CNTNAP3: variants seen among roughly 807,000 people sequenced by gnomAD.
CNTNAP3 encodes contactin-associated protein-like 3.
Under a neutral mutation model 92.1 loss-of-function variants are expected in CNTNAP3, and 36 were observed. The observed-to-expected ratio is 0.39, with a 90% CI of 0.30 to 0.52. The LOEUF is 0.52. Ranked by LOEUF, CNTNAP3 falls within the 20% of genes least tolerant of loss-of-function variation. The probability of loss-of-function intolerance (pLI) is 0.76; values close to 1 mark genes in which losing one functional copy is unlikely to be tolerated. For synonymous variants in CNTNAP3, 232 were observed against 422.3 expected (o/e 0.55, Z 5.53); for missense variants, 534 against 1,069.6 (o/e 0.50, Z 6.98).
chr9:39,094,405 G>A (rs1207391834), intron 18 of CNTNAP3, among the ~76,000 whole-genome samples: 1 of 151,510 alleles, frequency 6.6e-6, no homozygotes, highest in African/African-American at 2.4e-5. Context: ...TGTTGCCCGT[G>A]CTTTTGGGGT....
intron 11 of CNTNAP3, 109 bp downstream of exon 11, chr9:39,144,131 C>T (rs1821643006): frequency 2.8e-6 from 4 of 1,409,920 alleles, no homozygotes; most frequent in Non-Finnish European, 3.8e-6. Flanking sequence ...TGAAATATCT[C>T]TTCTGATGTG....
At position 39,096,224 on chromosome 9, in the gene CNTNAP3, T is replaced by G. The variant is rs1826322340; in HGVS notation, c.2995+3687A>C. On this transcript the variant is annotated intron_variant, in intron 18 of 23. Coordinates refer to ENST00000297668, the MANE Select transcript of CNTNAP3 (RefSeq NM_033655.5). The stretch of plus-strand genomic sequence containing the variant: ...GTAAGAAATATGACATTATACTTTC[T>G]TTTATAATTACCTGCACACTTACCT... Among the ~76,000 whole-genome samples, 2 of 138,388 alleles carry G rather than the reference T, an allele frequency of 1.4e-5. 1 individual carries two copies. Among genetic ancestry groups the G allele is most frequent in the Non-Finnish European group, 3.2e-5 (2 of 63,202 alleles). 90.8% of individuals were successfully genotyped at this position (138,388 alleles called of 152,430 possible).
At chr9:39,118,283 T>G (rs748933317) in intron 13 of CNTNAP3, 24 bp from the exon 14 acceptor site, 25 of 1,613,024 alleles carry the variant, frequency 1.5e-5, no homozygotes, top group African/African-American at 6.7e-5. Context: ...ATAAGAAACA[T>G]GACATCTACT....
At chr9:39,142,207 T>C (rs1475177311) in intron 11 of CNTNAP3, among the ~76,000 whole-genome samples, 1 of 152,162 alleles carries the variant, frequency 6.6e-6, no homozygotes, top group African/African-American at 2.4e-5. Flanking sequence ...AGTGTGGTGG[T>C]GGATATAAAT....
intron 11 of CNTNAP3, among the ~76,000 whole-genome samples, chr9:39,142,983 T>C (rs1426238297): frequency 6.6e-6 from 1 of 151,960 alleles, no homozygotes; most frequent in East Asian, 1.9e-4. Context: ...TGCATCTCTG[T>C]TTCCTTGAAG....
At chr9:39,076,525 T>G (rs1290876900) in intron 23 of CNTNAP3, among the ~76,000 whole-genome samples, 1 of 152,304 alleles carries the variant, frequency 6.6e-6, no homozygotes, top group African/African-American at 2.4e-5. Context: ...AGAATTGAGA[T>G]AGTGATGGAA....
chr9:39,068,462 CAT>C lies in CNTNAP3; in HGVS notation c.*5426_*5427del, dbSNP rs1825560593. On this transcript the variant is annotated 3_prime_UTR_variant, in exon 24 of 24. Transcript: ENST00000297668. ...TAAATTAAATAAAAATTAAAAAATT[CAT>C]AGAGAGGTGACTAGAAAAGATGTTT... Among the ~76,000 whole-genome samples, 3 of 152,304 alleles carry C rather than the reference CAT, an allele frequency of 2.0e-5. No homozygotes were observed. Among genetic ancestry groups the C allele is most frequent in the South Asian group, 4.1e-4 (2 of 4,834 alleles).
chr9:39,152,834 T>G (rs74996657), intron 9 of CNTNAP3, among the ~76,000 whole-genome samples: 3 of 108,838 alleles, frequency 2.8e-5, no homozygotes, highest in South Asian at 6.2e-4. Flanking sequence ...TTTTTTTTTT[T>G]TGTATTTTTT....
chr9:39,091,080 A>G, intron 18 of CNTNAP3, among the ~76,000 whole-genome samples: 1 of 152,086 alleles, frequency 6.6e-6, no homozygotes, highest in Admixed American at 6.5e-5. Context: ...AGTTCTAAGT[A>G]GATTCTTTGG....
chr9:39,157,489 A>T (rs1426308057), intron 9 of CNTNAP3, among the ~76,000 whole-genome samples: 1 of 111,622 alleles, frequency 9.0e-6, no homozygotes, highest in Non-Finnish European at 2.0e-5. Flanking sequence ...ACAGGCGCCC[A>T]CCACCATGCC....
intron 13 of CNTNAP3, among the ~76,000 whole-genome samples, chr9:39,130,495 CT>C (rs58074019): frequency 0.017 from 1,870 of 111,136 alleles, 15 homozygotes; most frequent in East Asian, 0.087. Flanking sequence ...AGGAGGAATT[CT>C]TTTTTTTTTT....
At chr9:39,129,324 A>G (rs1163900056) in intron 13 of CNTNAP3, among the ~76,000 whole-genome samples, 1 of 152,182 alleles carries the variant, frequency 6.6e-6, no homozygotes, top group Non-Finnish European at 1.5e-5. Context: ...CAGACCCACC[A>G]CACAAGTAAG....
At chr9:39,109,125 T>C (rs749265218) in intron 15 of CNTNAP3, 35 bp downstream of exon 15, 3 of 1,595,006 alleles carry the variant, frequency 1.9e-6, no homozygotes, top group Non-Finnish European at 2.6e-6. Context: ...AAAAAAGTTA[T>C]TATGAAAATA....
intron 14 of CNTNAP3, among the ~76,000 whole-genome samples, chr9:39,114,436 T>C (rs1427841364): frequency 6.6e-6 from 1 of 152,116 alleles, no homozygotes; most frequent in Non-Finnish European, 1.5e-5. Context: ...TGTAGTGAGA[T>C]CTTTCTAGTG....
intron 21 of CNTNAP3, among the ~76,000 whole-genome samples, chr9:39,079,478 A>G (rs1373787877): frequency 2.0e-5 from 3 of 151,718 alleles, no homozygotes; most frequent in African/African-American, 7.3e-5. Context: ...ATCTTATCTG[A>G]AAGTAGTGCT....
chr9:39,125,707 C>A (rs538332227), intron 13 of CNTNAP3, among the ~76,000 whole-genome samples: 1 of 151,850 alleles, frequency 6.6e-6, no homozygotes, highest in African/African-American at 2.4e-5. Context: ...AAGCCAACTG[C>A]AGAGCAAGGA....
At chr9:39,130,495 C>CTTTTTTTTTT (rs58074019) in intron 13 of CNTNAP3, among the ~76,000 whole-genome samples, 2 of 111,200 alleles carry the variant, frequency 1.8e-5, no homozygotes, top group African/African-American at 3.6e-5. Flanking sequence ...AGGAGGAATT[C>CTTTTTTTTTT]TTTTTTTTTT....
chr9:39,135,638 T>C (rs1175821670), intron 12 of CNTNAP3, among the ~76,000 whole-genome samples: 1 of 152,154 alleles, frequency 6.6e-6, no homozygotes, highest in Non-Finnish European at 1.5e-5. Context: ...GATGAACTTA[T>C]TATAAATTAA....
intron 10 of CNTNAP3, among the ~76,000 whole-genome samples, 167 bp downstream of exon 10, chr9:39,149,639 G>C (rs992885210): frequency 1.3e-5 from 2 of 151,884 alleles, no homozygotes; most frequent in African/African-American, 2.4e-5. Flanking sequence ...CACCGCGCCC[G>C]GCCAAGATGA....
Sources: gnomAD v4.1 joint callset for allele counts (sites outside exome capture counted in the v4.1 genomes callset) on GRCh38, gnomAD v4.1.1 for gene constraint, MANE v1.5 for transcripts, NCBI Gene and HGNC (gene_info 2026-07-23, HGNC 2026-07-21) for gene names.